Variants in NAV3 observed in about 807,000 individuals in gnomAD.
NAV3 encodes neuron navigator 3, also known as pore membrane and/or filament interacting like protein 1.
NAV3 carries 87 observed loss-of-function variants against 244.7 expected under a neutral mutation model. The ratio of observed to expected loss-of-function variants is 0.36; its 90% CI spans 0.30 to 0.42. The LOEUF (loss-of-function observed/expected upper bound fraction) is 0.42. Ranked by LOEUF, NAV3 falls within the 20% of genes least tolerant of loss-of-function variation. The pLI is 1.00. For synonymous variants in NAV3, 1,126 were observed against 1,042.2 expected (o/e 1.08, Z -1.55); for missense variants, 2,663 against 2,893.3 (o/e 0.92, Z 1.83).
At chr12:77,696,938 C>G (rs1290836858) in intron 2 of NAV3, among the ~76,000 whole-genome samples, 1 of 152,140 alleles carries the variant, frequency 6.6e-6, no homozygotes, top group Non-Finnish European at 1.5e-5. Flanking sequence ...ATAGCAGTAC[C>G]TGTTTAGTTC....
chr12:78,037,068 T>A (rs1299135283), intron 9 of NAV3: 1 of 702,874 alleles, frequency 1.4e-6, no homozygotes, highest in Non-Finnish European at 2.6e-6. Context: ...GCGCTCACTG[T>A]CCAAGTTTCT....
At chr12:77,995,401 C>G (rs991883684) in intron 6 of NAV3, among the ~76,000 whole-genome samples, 1 of 151,978 alleles carries the variant, frequency 6.6e-6, no homozygotes, top group Non-Finnish European at 1.5e-5. Context: ...AATGATAGTG[C>G]GTTATATACT....
At chr12:77,782,337 C>G (rs370114752) in intron 2 of NAV3, among the ~76,000 whole-genome samples, 6 of 150,168 alleles carry the variant, frequency 4.0e-5, no homozygotes, top group Middle Eastern at 3.4e-3. Flanking sequence ...CTTCTCCCCT[C>G]CCTCCCTCCA....
At chr12:78,003,766 A>G (rs983067593) in intron 7 of NAV3, among the ~76,000 whole-genome samples, 1 of 152,254 alleles carries the variant, frequency 6.6e-6, no homozygotes, top group African/African-American at 2.4e-5. Flanking sequence ...TATTTACAAG[A>G]TGAGATAACT....
chr12:78,110,405 A>G (rs1255951390), intron 12 of NAV3, among the ~76,000 whole-genome samples: 1 of 152,078 alleles, frequency 6.6e-6, no homozygotes, highest in African/African-American at 2.4e-5. Flanking sequence ...CAAATTACCA[A>G]TGTCATATTT....
chr12:78,041,385 G>A (rs1318413369), intron 9 of NAV3, among the ~76,000 whole-genome samples: 1 of 152,128 alleles, frequency 6.6e-6, no homozygotes, highest in African/African-American at 2.4e-5. Context: ...CCCAAAGTGA[G>A]GAATAATGAA....
intron 9 of NAV3, among the ~76,000 whole-genome samples, chr12:78,041,664 CT>C: frequency 6.6e-6 from 1 of 152,154 alleles, no homozygotes; most frequent in East Asian, 1.9e-4. Flanking sequence ...GGCAGATGGC[CT>C]TGTCCCATGT....
chr12:77,642,241 T>A (rs140445641), intron 2 of NAV3, among the ~76,000 whole-genome samples: 1 of 152,106 alleles, frequency 6.6e-6, no homozygotes, highest in Admixed American at 6.6e-5. Flanking sequence ...TGATCTGTGA[T>A]GTCTTTGTCT....
chr12:77,624,784 C>T (rs891699851), intron 2 of NAV3, among the ~76,000 whole-genome samples: 7 of 152,216 alleles, frequency 4.6e-5, no homozygotes, highest in African/African-American at 1.7e-4. Flanking sequence ...CCTCTTCGAG[C>T]CCTTTCAAAT....
At position 77,715,948 on chromosome 12, in the gene NAV3, C is replaced by T. The variant is rs149979407; in HGVS notation, c.72+143682C>T. On this transcript the variant is annotated intron_variant, in intron 2 of 8. Coordinates refer to the NAV3 transcript ENST00000550042. ...TGCTTCATACCTAGAACAAAATTTT[C>T]AGTGCTATATAGAGTTGGGACCATT... Among the ~76,000 whole-genome samples, 279 of 152,086 alleles carry T rather than the reference C, an allele frequency of 1.8e-3. 1 individual carries two copies. The highest frequency in any genetic ancestry group is 6.2e-3 in the African/African-American group (256 of 41,532).
intron 2 of NAV3, among the ~76,000 whole-genome samples, chr12:77,585,161 GAGA>G (rs574259495): frequency 1.8e-3 from 270 of 152,274 alleles, no homozygotes; most frequent in Non-Finnish European, 2.9e-3. Context: ...TGGTCTCAGA[GAGA>G]AGATGATCCT....
At chr12:77,884,506 C>T (rs897658931) in intron 1 of NAV3, among the ~76,000 whole-genome samples, 2 of 152,036 alleles carry the variant, frequency 1.3e-5, no homozygotes, top group Non-Finnish European at 2.9e-5. Context: ...GTTGTAATTC[C>T]CTGGAGCCCA....
chr12:78,108,048 A>G (rs184288548), intron 12 of NAV3, among the ~76,000 whole-genome samples: 19 of 152,292 alleles, frequency 1.2e-4, no homozygotes, highest in Non-Finnish European at 2.6e-4. Context: ...TGATCCAAAT[A>G]TATGCTGATT....
At chr12:78,125,858 A>AT (rs1955884048) in intron 16 of NAV3, among the ~76,000 whole-genome samples, 1 of 152,098 alleles carries the variant, frequency 6.6e-6, no homozygotes, top group Non-Finnish European at 1.5e-5. Flanking sequence ...TAAATATATA[A>AT]TTTTTATACA....
intron 2 of NAV3, among the ~76,000 whole-genome samples, chr12:77,702,403 C>T (rs927019523): frequency 3.3e-5 from 5 of 151,910 alleles, no homozygotes; most frequent in African/African-American, 1.2e-4. Context: ...TTGTATCTGA[C>T]AATTTCTGCC....
chr12:78,062,542 T>G (rs114420674), intron 12 of NAV3, among the ~76,000 whole-genome samples: 319 of 152,254 alleles, frequency 2.1e-3, no homozygotes, highest in African/African-American at 7.3e-3. Flanking sequence ...TCTGCTTAAT[T>G]GTATTTAATT....
chr12:77,772,246 C>G (rs903105745), intron 2 of NAV3, among the ~76,000 whole-genome samples: 1 of 152,090 alleles, frequency 6.6e-6, no homozygotes, highest in East Asian at 1.9e-4. Context: ...CTGATTCTGT[C>G]AAGGCATATC....
chr12:78,128,859 T>C lies in NAV3; in HGVS notation c.4434T>C (p.Ser1478=), dbSNP rs1212916268. The C allele has an allele frequency of 6.2e-7, 1 of 1,612,784 alleles. No homozygotes were observed. The highest frequency in any genetic ancestry group is 8.5e-7 in the Non-Finnish European group (1 of 1,179,622). ...CTGCAGCTGGAAAATACCACTTTTC[T>C]AACTTGGGTAAAATATTCTAAAATA... ...SSSAAGKYHF[S]NLVSPTNLSQ... Residue 1478 remains serine (S), a synonymous_variant, in exon 18 of 40, where the codon TCT becomes TCC. Transcript: ENST00000397909.
At chr12:78,202,689 G>A (rs1487302313) in intron 38 of NAV3, among the ~76,000 whole-genome samples, 1 of 152,058 alleles carries the variant, frequency 6.6e-6, no homozygotes, top group Admixed American at 6.6e-5. Context: ...TGTGAAAGAT[G>A]AATCAACCGT....
Sources: allele counts gnomAD v4.1 joint callset (sites outside exome capture counted in the v4.1 genomes callset), GRCh38; gene constraint gnomAD v4.1.1; transcripts MANE v1.5; gene names NCBI Gene and HGNC (gene_info 2026-07-23, HGNC 2026-07-21).